The following PARPBP variants were observed in gnomAD, a reference collection of about 807,000 sequenced individuals.
PARPBP encodes the protein PARP1 binding protein.
Under a neutral mutation model 50.0 loss-of-function variants are expected in PARPBP, and 52 were observed. That is an observed-to-expected ratio of 1.04 (90% CI 0.83 to 1.31). The LOEUF is 1.31. Ranked by LOEUF, PARPBP falls within the 50% of genes most tolerant of loss-of-function variation. PARPBP has a pLI of 0.00. For synonymous variants in PARPBP, 244 were observed against 232.1 expected (o/e 1.05, Z -0.47); for missense variants, 697 against 672.0 (o/e 1.04, Z -0.41).
intron 3 of PARPBP, 49 bp from the exon 4 acceptor site, chr12:102,153,820 T>G: frequency 1.0e-6 from 1 of 990,028 alleles, no homozygotes; most frequent in Non-Finnish European, 1.6e-6. Flanking sequence ...TGAAGTATTT[T>G]TTATAGTCAG....
chr12:102,140,117 AT>A (rs199542550), intron 2 of PARPBP, among the ~76,000 whole-genome samples: 4,125 of 151,950 alleles, frequency 0.027, 186 homozygotes, highest in African/African-American at 0.095. Context: ...TGGTCCTGGA[AT>A]TTTTTTGGTT....
chr12:102,120,209 C>A lies in PARPBP; in HGVS notation c.-81C>A. On this transcript the variant is annotated 5_prime_UTR_variant, in exon 1 of 11. Coordinates refer to ENST00000327680, the MANE Select transcript of PARPBP (RefSeq NM_017915.5). Reference sequence around the variant, plus strand: ...TATTCAGCGGCGACAGCGGCGACTGCGGCGGCCGCGGGAGGGCATCCCGTT... The same window carrying A: ...TATTCAGCGGCGACAGCGGCGACTGAGGCGGCCGCGGGAGGGCATCCCGTT... 4 of 226,698 alleles carry A rather than the reference C, an allele frequency of 1.8e-5. No homozygotes were observed. The highest frequency in any genetic ancestry group is 1.6e-4 in the South Asian group (4 of 25,518). 14.0% of individuals were successfully genotyped at this position (226,698 alleles called of 1,614,324 possible). A position where few individuals can be genotyped will look rare whatever the true frequency, so the allele number is the denominator to read the frequency against.
chr12:102,121,305 G>T (rs539673331), intron 1 of PARPBP, among the ~76,000 whole-genome samples: 1 of 152,230 alleles, frequency 6.6e-6, no homozygotes, highest in Non-Finnish European at 1.5e-5. Context: ...AAAATGAAAA[G>T]AATAATGTTT....
At chr12:102,184,070 A>G (rs1262367747) in intron 9 of PARPBP, among the ~76,000 whole-genome samples, 1 of 150,966 alleles carries the variant, frequency 6.6e-6, no homozygotes, top group African/African-American at 2.4e-5. Context: ...AAAAAAAGAA[A>G]GAATGTAAGA....
intron 2 of PARPBP, among the ~76,000 whole-genome samples, chr12:102,134,685 G>GT: frequency 6.6e-6 from 1 of 152,066 alleles, no homozygotes; most frequent in East Asian, 1.9e-4. Flanking sequence ...TTTGTCTCTT[G>GT]TTTTTGCTGT....
At chr12:102,149,605 C>G (rs1014276581) in intron 3 of PARPBP, among the ~76,000 whole-genome samples, 2 of 152,182 alleles carry the variant, frequency 1.3e-5, no homozygotes, top group African/African-American at 4.8e-5. Flanking sequence ...ATGGCCACAA[C>G]AAGCTGCAAG....
chr12:102,177,253 G>C (rs1053529172), intron 7 of PARPBP, among the ~76,000 whole-genome samples: 5 of 152,204 alleles, frequency 3.3e-5, no homozygotes, highest in Non-Finnish European at 7.3e-5. Flanking sequence ...ATTGATGAAA[G>C]CTGAAGAAAC....
chr12:102,143,561 G>A (rs112439075), intron 2 of PARPBP, among the ~76,000 whole-genome samples: 3 of 152,274 alleles, frequency 2.0e-5, no homozygotes, highest in Non-Finnish European at 2.9e-5. Context: ...CTTCTGCGTC[G>A]CTCATACTGG....
rs2137671444 is a variant in PARPBP, at chr12:102,196,382, A to C, written c.*91A>C. The C allele has an allele frequency of 2.1e-5, 19 of 891,404 alleles. No homozygotes were observed. In the South Asian group the frequency reaches 3.3e-4, roughly 15 times the overall value. 55.2% of individuals were successfully genotyped at this position (891,404 alleles called of 1,614,324 possible). ...TTAAGAGATCAAGGTGTAAATTATG[A>C]TGATTTATTATTTTGGTCTACAGTG... On this transcript the variant is annotated 3_prime_UTR_variant, in exon 11 of 11. Transcript: ENST00000327680.
rs1891375232 is a variant in PARPBP at position 102,197,074 on chromosome 12, G to A, written c.*783G>A. ...TTCAGTATTCTGAACTCCATTCTCA[G>A]CTGGGAAAGCTACAGATCCTTTTAG... On this transcript the variant is annotated 3_prime_UTR_variant, in exon 11 of 11. Transcript: ENST00000327680. The A allele has an allele frequency of 6.2e-7, 1 of 1,611,866 alleles. No individual in the cohort carries two copies. The highest frequency in any genetic ancestry group is 2.2e-5 in the East Asian group (1 of 44,788).
chr12:102,125,829 C>G (rs1565847435), intron 2 of PARPBP, among the ~76,000 whole-genome samples: 1 of 152,118 alleles, frequency 6.6e-6, no homozygotes, highest in Non-Finnish European at 1.5e-5. Flanking sequence ...TGCTCAGACA[C>G]CAGATAATTG....
intron 2 of PARPBP, among the ~76,000 whole-genome samples, chr12:102,146,633 T>C (rs1294540479): frequency 6.6e-6 from 1 of 152,082 alleles, no homozygotes; most frequent in African/African-American, 2.4e-5. Flanking sequence ...AACCTAGGCA[T>C]TACCATTCAG....
intron 1 of PARPBP, among the ~76,000 whole-genome samples, chr12:102,121,415 T>A (rs1881052746): frequency 6.6e-6 from 1 of 152,212 alleles, no homozygotes. Context: ...TGTATGTCCA[T>A]GGCTATTTTC....
chr12:102,146,590 G>A (rs1885387659), intron 2 of PARPBP, among the ~76,000 whole-genome samples: 2 of 152,212 alleles, frequency 1.3e-5, no homozygotes, highest in East Asian at 1.9e-4. Flanking sequence ...AGACTTAAAC[G>A]TTAGACCTAA....
chr12:102,124,991 A>G (rs1333035185), intron 2 of PARPBP, among the ~76,000 whole-genome samples: 1 of 152,234 alleles, frequency 6.6e-6, no homozygotes, highest in East Asian at 1.9e-4. Context: ...TTAAAAATTA[A>G]AAAGTATAAA....
intron 2 of PARPBP, among the ~76,000 whole-genome samples, chr12:102,135,327 T>G (rs552300245): frequency 1.0e-3 from 155 of 151,874 alleles, no homozygotes; most frequent in Admixed American, 2.9e-3. Context: ...GGTGGATCAC[T>G]AGGTCAGGAG....
At chr12:102,163,309 C>T (rs1013574759) in intron 4 of PARPBP, among the ~76,000 whole-genome samples, 1 of 152,132 alleles carries the variant, frequency 6.6e-6, no homozygotes, top group Non-Finnish European at 1.5e-5. Flanking sequence ...TATCATCTGG[C>T]CTACATACTT....
chr12:102,146,908 G>A (rs1330490773), intron 2 of PARPBP, among the ~76,000 whole-genome samples: 2 of 152,014 alleles, frequency 1.3e-5, no homozygotes, highest in Non-Finnish European at 2.9e-5. Context: ...GTGGGCAAAG[G>A]ACATGAACAG....
intron 4 of PARPBP, among the ~76,000 whole-genome samples, chr12:102,157,062 T>C (rs1887028853): frequency 6.6e-6 from 1 of 152,238 alleles, no homozygotes; most frequent in African/African-American, 2.4e-5. Flanking sequence ...ATTGCTGAGG[T>C]AGATTCTTCT....
Sources: gnomAD v4.1 joint callset for allele counts (sites outside exome capture counted in the v4.1 genomes callset) on GRCh38, gnomAD v4.1.1 for gene constraint, MANE v1.5 for transcripts, NCBI Gene and HGNC (gene_info 2026-07-23, HGNC 2026-07-21) for gene names.